PIKFYVE: variants seen among roughly 807,000 people sequenced by gnomAD.
PIKFYVE encodes 1-phosphatidylinositol 3-phosphate 5-kinase.
Under a neutral mutation model 257.9 loss-of-function variants are expected in PIKFYVE, and 122 were observed. That is an observed-to-expected ratio of 0.47 (90% CI 0.41 to 0.55). The LOEUF (loss-of-function observed/expected upper bound fraction) is 0.55. PIKFYVE is among the 20% of genes least tolerant of loss of function. The pLI is 0.00. For synonymous variants in PIKFYVE, 892 were observed against 868.9 expected, an observed-to-expected ratio of 1.03 and a Z score of -0.47; for missense variants, 2,160 against 2,536.6, an observed-to-expected ratio of 0.85 and a Z score of 3.19.
At chr2:208,287,120 A>G (rs1691675426) in intron 6 of PIKFYVE, among the ~76,000 whole-genome samples, 1 of 151,692 alleles carries the variant, frequency 6.6e-6, no homozygotes, top group Non-Finnish European at 1.5e-5. Context: ...AAAAATACAC[A>G]AAACTACTAC....
chr2:208,349,349 A>G (rs1219506139), intron 35 of PIKFYVE, among the ~76,000 whole-genome samples: 2 of 151,948 alleles, frequency 1.3e-5, no homozygotes, highest in Admixed American at 6.6e-5. Flanking sequence ...AGATATTAAG[A>G]TGTATTTTAA....
intron 13 of PIKFYVE, among the ~76,000 whole-genome samples, chr2:208,313,519 T>A (rs1173791285): frequency 1.3e-5 from 2 of 152,054 alleles, no homozygotes; most frequent in Admixed American, 1.3e-4. Context: ...TTCATCACTC[T>A]CGCTATCATG....
At position 208,347,999 on chromosome 2, in the gene PIKFYVE, G is replaced by A. The variant is rs778480670; in HGVS notation, c.5350G>A (p.Glu1784Lys). The change falls in exon 35 of 42, where the codon GAG (glutamate) becomes AAG (lysine). Residue 1784 changes from glutamate (E) to lysine (K), a missense_variant. This residue lies in a region of PIKFYVE where 699 missense variants were observed against 855.8 expected (regional missense o/e 0.82). Transcript: ENST00000264380. ...QVGQTGKEGT[E>K]NQGVEPQDEV... Reference sequence around the variant, plus strand: ...TGGGCAGACGGGCAAGGAGGGGACCGAGAATCAAGGCGTTGAGCCTCAAGG... The same window carrying A: ...TGGGCAGACGGGCAAGGAGGGGACCAAGAATCAAGGCGTTGAGCCTCAAGG... The A allele has an allele frequency of 9.3e-6, 15 of 1,614,136 alleles. No individual in the cohort carries two copies. In the South Asian group the frequency reaches 1.5e-4, roughly 17 times the overall value.
chr2:208,353,746 C>G, intron 39 of PIKFYVE, 152 bp from the exon 40 acceptor site: 2 of 904,164 alleles, frequency 2.2e-6, no homozygotes, highest in Non-Finnish European at 3.4e-6. Context: ...CGTTTAAAAA[C>G]TTAAAAATTA....
At chr2:208,342,875 A>G (rs1333221553) in intron 32 of PIKFYVE, among the ~76,000 whole-genome samples, 3 of 149,196 alleles carry the variant, frequency 2.0e-5, no homozygotes, top group African/African-American at 7.4e-5. Flanking sequence ...GCTCACTGCA[A>G]CCTCTGCCTC....
intron 7 of PIKFYVE, among the ~76,000 whole-genome samples, chr2:208,291,234 T>G (rs1692274161): frequency 6.6e-6 from 1 of 152,168 alleles, no homozygotes; most frequent in Non-Finnish European, 1.5e-5. Flanking sequence ...TGTCAAATGC[T>G]TTTTCTGTAT....
Position 208,357,158 on chromosome 2 carries a change from A to C in PIKFYVE, c.*1853A>C, listed in dbSNP as rs1208142121. 1 of 152,238 alleles carries C rather than the reference A, an allele frequency of 6.6e-6. No individual in the cohort carries two copies. The highest frequency in any genetic ancestry group is 1.5e-5 in the Non-Finnish European group (1 of 68,050). 9.4% of individuals were successfully genotyped at this position (152,238 alleles called of 1,614,324 possible). ...GATTTTAGTTTTGAAATCAAAGACT[A>C]TTAAAGGAGCTGTACAGAGGTAAAA... On this transcript the variant is annotated 3_prime_UTR_variant, in exon 42 of 42. Transcript: ENST00000264380.
chr2:208,271,424 A>AT, intron 1 of PIKFYVE, 87 bp from the exon 2 acceptor site: 1 of 1,254,044 alleles, frequency 8.0e-7, no homozygotes, highest in Non-Finnish European at 1.2e-6. Flanking sequence ...ACAGAATAGG[A>AT]TTTTCTGGAT....
chr2:208,286,565 C>T (rs1389477891), intron 6 of PIKFYVE, among the ~76,000 whole-genome samples: 1 of 152,064 alleles, frequency 6.6e-6, no homozygotes, highest in African/African-American at 2.4e-5. Flanking sequence ...TTGAGACGGC[C>T]TTGCTCTGTC....
chr2:208,350,135 C>T (rs867563060), intron 36 of PIKFYVE, 52 bp downstream of exon 36: 4 of 1,601,890 alleles, frequency 2.5e-6, no homozygotes, highest in Middle Eastern at 1.7e-4. Context: ...TACAGTTGAG[C>T]CATCTCTATT....
At chr2:208,276,854 A>C in intron 4 of PIKFYVE, 24 bp downstream of exon 4, 1 of 1,576,022 alleles carries the variant, frequency 6.3e-7, no homozygotes, top group Non-Finnish European at 8.7e-7. Context: ...GCTTTGGAAG[A>C]TTACTTATTA....
At chr2:208,353,858 C>T in intron 39 of PIKFYVE, 40 bp from the exon 40 acceptor site, 9 of 1,610,350 alleles carry the variant, frequency 5.6e-6, no homozygotes, top group Non-Finnish European at 6.8e-6. Context: ...TCATTTGTGG[C>T]AACCTGTACA....
At chr2:208,326,688 G>A (rs769392653) in intron 20 of PIKFYVE, among the ~76,000 whole-genome samples, 31 of 152,190 alleles carry the variant, frequency 2.0e-4, no homozygotes, top group Non-Finnish European at 4.1e-4. Flanking sequence ...TGAAGTAAGG[G>A]GAAATGTGGA....
chr2:208,293,548 G>C (rs192938588), intron 7 of PIKFYVE, among the ~76,000 whole-genome samples: 6 of 152,156 alleles, frequency 3.9e-5, no homozygotes, highest in Admixed American at 3.9e-4. Flanking sequence ...TATCATCAGG[G>C]TACAGAATTG....
chr2:208,353,775 A>C (rs188502882), intron 39 of PIKFYVE, 123 bp from the exon 40 acceptor site: 2 of 1,143,988 alleles, frequency 1.7e-6, no homozygotes, highest in East Asian at 4.9e-5. Context: ...TTTTCAGTTA[A>C]ACTTTGGAGT....
intron 7 of PIKFYVE, among the ~76,000 whole-genome samples, chr2:208,293,404 T>C (rs1260596541): frequency 6.6e-6 from 1 of 152,192 alleles, no homozygotes; most frequent in Non-Finnish European, 1.5e-5. Flanking sequence ...TTAATAGATG[T>C]AAGTTTCTGA....
intron 12 of PIKFYVE, chr2:208,305,594 T>A: frequency 1.7e-6 from 1 of 574,776 alleles, no homozygotes; most frequent in Non-Finnish European, 2.2e-6. Flanking sequence ...TTTAGTCTAC[T>A]GGCTGAAAAA....
At chr2:208,314,828 G>A (rs193244850) in intron 14 of PIKFYVE, among the ~76,000 whole-genome samples, 120 of 152,156 alleles carry the variant, frequency 7.9e-4, no homozygotes, top group Middle Eastern at 3.4e-3. Flanking sequence ...CTCAAGAGGC[G>A]GAGGTTGCAG....
chr2:208,338,331 G>C (rs1038311953), intron 28 of PIKFYVE, among the ~76,000 whole-genome samples, 177 bp from the exon 29 acceptor site: 1 of 151,686 alleles, frequency 6.6e-6, no homozygotes, highest in South Asian at 2.1e-4. Context: ...TTTCTAATAA[G>C]GTAAAAATTT....
Sources: gnomAD v4.1 joint callset for allele counts (sites outside exome capture counted in the v4.1 genomes callset) on GRCh38, gnomAD v4.1.1 for gene constraint, gnomAD v4.1.1 regional missense constraint, MANE v1.5 for transcripts, NCBI Gene and HGNC (gene_info 2026-07-23, HGNC 2026-07-21) for gene names.